PRMT8: variants seen among roughly 807,000 people sequenced by gnomAD.
The protein encoded by PRMT8 is protein arginine N-methyltransferase 8.
Under a neutral mutation model 47.1 loss-of-function variants are expected in PRMT8, and 7 were observed. The observed-to-expected ratio is 0.15, with a 90% CI of 0.08 to 0.28. The LOEUF (loss-of-function observed/expected upper bound fraction) is 0.28, where lower values mean the gene tolerates loss of function less well. Ranked by LOEUF, PRMT8 falls within the 10% of genes least tolerant of loss-of-function variation. The pLI is 1.00. For synonymous variants in PRMT8, 188 were observed against 186.5 expected (o/e 1.01, Z -0.07); for missense variants, 237 against 505.4 (o/e 0.47, Z 5.09).
At chr12:3,525,979 C>T (rs1006355579) in intron 1 of PRMT8, among the ~76,000 whole-genome samples, 2 of 152,214 alleles carry the variant, frequency 1.3e-5, no homozygotes, top group African/African-American at 4.8e-5. Flanking sequence ...CTCCAGAACT[C>T]TTTTCGTCTT....
intron 9 of PRMT8, among the ~76,000 whole-genome samples, 170 bp downstream of exon 9, chr12:3,592,522 G>C (rs1321717929): frequency 2.0e-5 from 3 of 152,040 alleles, no homozygotes; most frequent in East Asian, 1.9e-4. Flanking sequence ...AGGGACTCAG[G>C]CTTGACCCCT....
At chr12:3,418,574 T>A (rs758935944) in intron 1 of PRMT8, among the ~76,000 whole-genome samples, 1 of 152,246 alleles carries the variant, frequency 6.6e-6, no homozygotes, top group African/African-American at 2.4e-5. Context: ...AGGGGCATCC[T>A]GCTGCAATCT....
chr12:3,577,935 G>A lies in PRMT8; in HGVS notation c.828+949G>A, dbSNP rs549015249. On this transcript the variant is annotated intron_variant, in intron 7 of 9. Coordinates refer to ENST00000382622, the MANE Select transcript of PRMT8 (RefSeq NM_019854.5). ...AGAATAAAGGTGAAAGGTGCCCTCC[G>A]CCTCCCTCCAGCCCCATCCTCCTCC... Among the ~76,000 whole-genome samples, 13 of 152,166 alleles carry A rather than the reference G, an allele frequency of 8.5e-5. 1 individual carries two copies. The highest frequency in any genetic ancestry group is 3.9e-4 in the Admixed American group (6 of 15,286).
chr12:3,543,172 A>T (rs1866263585), intron 2 of PRMT8, among the ~76,000 whole-genome samples: 1 of 152,172 alleles, frequency 6.6e-6, no homozygotes, highest in South Asian at 2.1e-4. Flanking sequence ...TCTAGCTTAA[A>T]TCCCTCCTGC....
chr12:3,562,178 T>G (rs764989610), intron 4 of PRMT8, among the ~76,000 whole-genome samples: 2 of 152,204 alleles, frequency 1.3e-5, no homozygotes, highest in Admixed American at 1.3e-4. Context: ...TTTATTAACT[T>G]GACTAATAAC....
Position 3,402,242 on chromosome 12 carries a change from T to C in PRMT8, c.48+20800T>C, listed in dbSNP as rs528196814. The stretch of plus-strand genomic sequence containing the variant: ...AAGCAATGGGGAAAGGATTTCCTAG[T>C]TAATAGGAACTGGGAGAACAGGCTA... On this transcript the variant is annotated intron_variant, in intron 1 of 9. Coordinates refer to the PRMT8 transcript ENST00000452611. 9.2e-4 allele frequency among the ~76,000 whole-genome samples: 140 copies of C among 152,206 alleles called. 1 individual carries two copies. Among genetic ancestry groups the C allele is most frequent in the South Asian group, 1.7e-3 (8 of 4,816 alleles).
chr12:3,429,816 C>T (rs961786606), intron 1 of PRMT8, among the ~76,000 whole-genome samples: 15 of 152,218 alleles, frequency 9.9e-5, no homozygotes, highest in African/African-American at 3.6e-4. Context: ...GGTGGTCCAC[C>T]GGGGCAATTG....
chr12:3,397,238 G>T (rs912232083), intron 1 of PRMT8, among the ~76,000 whole-genome samples: 1 of 151,958 alleles, frequency 6.6e-6, no homozygotes, highest in Non-Finnish European at 1.5e-5. Flanking sequence ...GTCCAGCTTT[G>T]TTCCATTGCT....
chr12:3,523,190 TG>T (rs1397362165), intron 1 of PRMT8, among the ~76,000 whole-genome samples: 2 of 152,224 alleles, frequency 1.3e-5, no homozygotes, highest in Non-Finnish European at 2.9e-5. Flanking sequence ...CTGTGCTAGC[TG>T]AAATGGGGTC....
At chr12:3,526,473 C>A (rs1865951561) in intron 1 of PRMT8, among the ~76,000 whole-genome samples, 1 of 152,210 alleles carries the variant, frequency 6.6e-6, no homozygotes, top group South Asian at 2.1e-4. Flanking sequence ...ATTTTACACT[C>A]TCACCAATGG....
intron 4 of PRMT8, among the ~76,000 whole-genome samples, chr12:3,558,948 GTCTATCTATCTA>G (rs1866578414): frequency 8.9e-6 from 1 of 112,638 alleles, no homozygotes; most frequent in South Asian, 2.8e-4. Flanking sequence ...ACATTTATCT[GTCTATCTATCTA>G]CCTATCTATC....
chr12:3,404,089 A>G (rs1864349030), intron 1 of PRMT8, among the ~76,000 whole-genome samples: 1 of 152,080 alleles, frequency 6.6e-6, no homozygotes, highest in Admixed American at 6.6e-5. Context: ...GTTACTTAAG[A>G]ATGTTTTAAG....
intron 1 of PRMT8, among the ~76,000 whole-genome samples, chr12:3,499,003 C>G (rs536989150): frequency 1.3e-5 from 2 of 152,180 alleles, no homozygotes; most frequent in Admixed American, 1.3e-4. Flanking sequence ...GCTATAGACA[C>G]ATCATCTGGT....
intron 1 of PRMT8, among the ~76,000 whole-genome samples, chr12:3,386,766 A>G (rs1032030907): frequency 1.3e-5 from 2 of 150,604 alleles, no homozygotes; most frequent in Non-Finnish European, 2.9e-5. Flanking sequence ...CTGGAGTGCA[A>G]TGGCGCAATC....
upstream of PRMT8, chr12:3,491,063 C>G (rs1173750831): frequency 1.4e-6 from 1 of 700,966 alleles, no homozygotes; most frequent in Non-Finnish European, 1.8e-6. Context: ...CCGAGACCCT[C>G]GGAGACTAGG....
chr12:3,435,823 G>A (rs1307782105), intron 1 of PRMT8, among the ~76,000 whole-genome samples: 2 of 152,078 alleles, frequency 1.3e-5, no homozygotes, highest in East Asian at 1.9e-4. Flanking sequence ...CCCGGCCAAC[G>A]TCGTGTGTTT....
intron 1 of PRMT8, among the ~76,000 whole-genome samples, chr12:3,420,991 A>T (rs1422068897): frequency 6.6e-6 from 1 of 152,210 alleles, no homozygotes; most frequent in Non-Finnish European, 1.5e-5. Flanking sequence ...CTGAGTCAAA[A>T]ATCACATCAA....
At chr12:3,397,896 T>C (rs1040348116) in intron 1 of PRMT8, among the ~76,000 whole-genome samples, 11 of 152,168 alleles carry the variant, frequency 7.2e-5, no homozygotes, top group East Asian at 1.9e-4. Flanking sequence ...GAGCCAGGTG[T>C]GGGATGTAAT....
chr12:3,484,118 T>C (rs1281578978), intron 1 of PRMT8, among the ~76,000 whole-genome samples: 3 of 152,192 alleles, frequency 2.0e-5, no homozygotes, highest in African/African-American at 7.2e-5. Flanking sequence ...CCTGAACTGA[T>C]GGCAGGCTGA....
Sources: allele counts gnomAD v4.1 joint callset (sites outside exome capture counted in the v4.1 genomes callset), GRCh38; gene constraint gnomAD v4.1.1; transcripts MANE v1.5; gene names NCBI Gene and HGNC (gene_info 2026-07-23, HGNC 2026-07-21).